The following CDHR2 variants were observed in gnomAD, a reference collection of about 807,000 sequenced individuals.
CDHR2 encodes cadherin-related family member 2.
Under a neutral mutation model 138.6 loss-of-function variants are expected in CDHR2, and 104 were observed. That is an observed-to-expected ratio of 0.75 (90% CI 0.64 to 0.88). The LOEUF (loss-of-function observed/expected upper bound fraction) is 0.88, where lower values mean the gene tolerates loss of function less well. Ranked by LOEUF, CDHR2 falls within the 40% of genes least tolerant of loss-of-function variation. The probability of loss-of-function intolerance (pLI) is 0.00; values close to 1 mark genes in which losing one functional copy is unlikely to be tolerated. For synonymous variants in CDHR2, 755 were observed against 742.8 expected (o/e 1.02, Z -0.27); for missense variants, 1,624 against 1,727.6 (o/e 0.94, Z 1.06).
chr5:176,558,187 G>A lies in CDHR2; in HGVS notation c.-15-7151G>A, dbSNP rs1757883704. 2.7e-5 allele frequency among the ~76,000 whole-genome samples: 4 copies of A among 150,918 alleles called. 1 individual carries two copies. The South Asian group carries it at 8.4e-4, about 32-fold the overall frequency. On this transcript the variant is annotated intron_variant, in intron 1 of 31. Coordinates refer to ENST00000261944, the MANE Select transcript of CDHR2 (RefSeq NM_017675.6). ...GCTTTCCTTTCCTGCATGGTCACTG[G>A]TTTTGCTTGCTTAGTTTTCTTTTCT...
chr5:176,577,263 T>C (rs1758405084), intron 12 of CDHR2, 136 bp from the exon 13 acceptor site: 1 of 948,186 alleles, frequency 1.1e-6, no homozygotes, highest in African/African-American at 1.7e-5. Context: ...GCACCCTCTC[T>C]CGCAGTCTTT....
In CDHR2 at chr5:176,595,533, A is replaced by G. The variant is rs547866475; in HGVS notation, c.3794A>G (p.Glu1265Gly). The G allele has an allele frequency of 1.3e-5, 20 of 1,594,502 alleles. No homozygotes were observed. The South Asian group carries it at 1.8e-4, about 14-fold the overall frequency. ...DVDKNSQEIK[E>G]HRPPHTPPEP... is the part of the protein sequence containing the mutation. The stretch of plus-strand genomic sequence containing the variant: ...CACCTCCTCTCCCTCTCCCTGCAGG[A>G]GCACAGGCCACCACACACACCACCA... The change falls in exon 32 of 32, where the codon GAG becomes GGG. Residue 1265 changes from glutamate to glycine, a missense_variant and splice_region_variant. By Grantham distance (98) the Glu-to-Gly change is moderately conservative. This residue lies in a region of CDHR2 where 556 missense variants were observed against 565.7 expected (regional missense o/e 0.98). Transcript: ENST00000261944.
At chr5:176,574,430 C>A (rs1244145340) in intron 7 of CDHR2, among the ~76,000 whole-genome samples, 1 of 152,186 alleles carries the variant, frequency 6.6e-6, no homozygotes, top group Non-Finnish European at 1.5e-5. Context: ...ATTCCACAGA[C>A]AATAAGGGGT....
chr5:176,581,537 C>T lies in CDHR2; in HGVS notation c.2013C>T (p.Gly671=), dbSNP rs187812988. The change falls in exon 17 of 32, where the codon GGC becomes GGT. Residue 671 remains glycine, a synonymous_variant. Transcript: ENST00000261944. The part of the protein sequence containing the change: ...IVLTVLVSDC[G]EPVLGTKVNV... ...TGACAGTGCTTGTGTCTGACTGCGGCGAGCCTGTCCTCGGCACCAAAGTCA... is the reference window on the plus strand; with the variant it reads ...TGACAGTGCTTGTGTCTGACTGCGGTGAGCCTGTCCTCGGCACCAAAGTCA... The T allele has an allele frequency of 6.2e-5, 100 of 1,614,080 alleles. No homozygotes were observed. The East Asian group carries it at 1.0e-3, about 16-fold the overall frequency.
At chr5:176,548,015 C>T (rs560303753), upstream of CDHR2, among the ~76,000 whole-genome samples, 4 of 152,134 alleles carry the variant, frequency 2.6e-5, no homozygotes, top group Non-Finnish European at 4.4e-5. Flanking sequence ...CAAACCTAGG[C>T]GGTACCACCT....
chr5:176,576,144 C>T lies in CDHR2; in HGVS notation c.1153C>T (p.Pro385Ser). Residue 385 changes from proline to serine, a missense_variant, in exon 12 of 32, where the codon CCC becomes TCC. Physicochemically the swap from Pro to Ser is moderately conservative, Grantham distance 74. Coordinates refer to ENST00000261944, the MANE Select transcript of CDHR2 (RefSeq NM_017675.6). The surrounding 1 kb of genome is among the most constrained non-coding windows in gnomAD (Gnocchi z 4.5). ...YVDEHASPRI[P>S]IDDLTMVVYD... ...GGACGAGCATGCCTCCCCCCGCATC[C>T]CCATCGATGACCTCACCATGGTGGT... is the stretch of plus-strand genomic sequence containing the variant. 6.2e-7 allele frequency: 1 copy of T among 1,613,940 alleles called. No individual in the cohort carries two copies. Among genetic ancestry groups the T allele is most frequent in the Non-Finnish European group, 8.5e-7 (1 of 1,180,040 alleles).
At position 176,575,847 on chromosome 5, in the gene CDHR2, A is replaced by G. The variant is rs1383579176; in HGVS notation, c.960+8A>G. The G allele has an allele frequency of 6.5e-7, 1 of 1,546,008 alleles. No homozygotes were observed. Among genetic ancestry groups the G allele is most frequent in the Admixed American group, 2.0e-5 (1 of 50,640 alleles). The stretch of plus-strand genomic sequence containing the variant: ...GTGCAGCTGCAGGTCACGGTGAGCA[A>G]AGGCCCCACCACCCCTGTCAGAACC... On this transcript the variant is annotated splice_region_variant and intron_variant, in intron 11 of 31. Transcript: ENST00000261944.
Position 176,592,743 on chromosome 5 carries a change from A to T in CDHR2, c.3755A>T (p.Asn1252Ile). The T allele has an allele frequency of 1.2e-6, 2 of 1,613,824 alleles. No homozygotes were observed. The highest frequency in any genetic ancestry group is 1.7e-6 in the Non-Finnish European group (2 of 1,179,840). The change falls in exon 31 of 32, where the codon AAC (asparagine) becomes ATC (isoleucine). Residue 1252 changes from asparagine to isoleucine, a missense_variant. Physicochemically the swap from Asn to Ile is moderately radical, Grantham distance 149. Coordinates refer to ENST00000261944, the MANE Select transcript of CDHR2 (RefSeq NM_017675.6). Reference protein sequence around the residue: ...DSVSVNSLDDNSVDVDKNSQE... With the variant: ...DSVSVNSLDDISVDVDKNSQE... The stretch of plus-strand genomic sequence containing the variant: ...TACAGCGTCAACTCCCTGGACGACA[A>T]CTCTGTGGATGTGGACAAGAACAGT...
intron 17 of CDHR2, among the ~76,000 whole-genome samples, chr5:176,582,885 C>T (rs1039831331): frequency 3.3e-5 from 5 of 152,220 alleles, no homozygotes; most frequent in Admixed American, 6.5e-5. Context: ...CACCAGCCCA[C>T]AAGGCACCTT....
intron 5 of CDHR2, among the ~76,000 whole-genome samples, chr5:176,570,759 C>G (rs1758206425): frequency 6.6e-6 from 1 of 152,132 alleles, no homozygotes; most frequent in Admixed American, 6.6e-5. Flanking sequence ...CAAGAGCAGC[C>G]TGACCAACAT....
At chr5:176,571,545 T>A (rs1758231319) in intron 6 of CDHR2, among the ~76,000 whole-genome samples, 1 of 152,104 alleles carries the variant, frequency 6.6e-6, no homozygotes, top group African/African-American at 2.4e-5. Context: ...GGGAGTTGAT[T>A]TTTTTTGTGT....
At chr5:176,580,690 C>G (rs1045460329) in intron 16 of CDHR2, among the ~76,000 whole-genome samples, 6 of 151,718 alleles carry the variant, frequency 4.0e-5, no homozygotes, top group African/African-American at 1.5e-4. Context: ...GCCTGGCCAA[C>G]ATGGTGAAAC....
chr5:176,581,689 A>T, intron 17 of CDHR2, 107 bp downstream of exon 17: 1 of 1,437,116 alleles, frequency 7.0e-7, no homozygotes, highest in Non-Finnish European at 9.5e-7. Flanking sequence ...TGCCTGGGTT[A>T]CAATCCCGCT....
intron 1 of CDHR2, among the ~76,000 whole-genome samples, chr5:176,550,667 G>A (rs1390894094): frequency 2.6e-5 from 4 of 152,232 alleles, no homozygotes; most frequent in Admixed American, 6.5e-5. Context: ...AGTGCATGGC[G>A]AGCTGGCCGT....
intron 1 of CDHR2, among the ~76,000 whole-genome samples, chr5:176,554,697 G>A (rs1561865538): frequency 6.6e-6 from 1 of 152,160 alleles, no homozygotes; most frequent in South Asian, 2.1e-4. Context: ...GTCTCGCTCT[G>A]TCTCCCAGGC....
At chr5:176,595,149 T>C (rs1758993103) in intron 31 of CDHR2, among the ~76,000 whole-genome samples, 1 of 152,000 alleles carries the variant, frequency 6.6e-6, no homozygotes, top group Admixed American at 6.5e-5. Flanking sequence ...GTAGTTGAGG[T>C]AATGGATGGA....
chr5:176,577,807 T>C lies in CDHR2; in HGVS notation c.1512+9T>C, dbSNP rs373309186. ...TCACCGACAGCATCCACGTGAGTGATGTGGACACAGTGGGGCTGTGGGGTC... is the reference window on the plus strand; with the variant it reads ...TCACCGACAGCATCCACGTGAGTGACGTGGACACAGTGGGGCTGTGGGGTC... On this transcript the variant is annotated intron_variant, in intron 14 of 31. Transcript: ENST00000261944. 1.9e-6 allele frequency: 3 copies of C among 1,613,564 alleles called. No individual in the cohort carries two copies. The highest frequency in any genetic ancestry group is 1.1e-5 in the South Asian group (1 of 91,026).
intron 2 of CDHR2, 89 bp from the exon 3 acceptor site, chr5:176,565,583 A>G: frequency 2.3e-6 from 3 of 1,331,364 alleles, no homozygotes; most frequent in South Asian, 1.2e-5. Flanking sequence ...CTGGGTGGCC[A>G]TAAGGACTAG....
intron 3 of CDHR2, among the ~76,000 whole-genome samples, chr5:176,566,258 T>A (rs892952760): frequency 6.6e-6 from 1 of 152,160 alleles, no homozygotes; most frequent in African/African-American, 2.4e-5. Context: ...TGTCTTTACA[T>A]GAGATGGAAA....
Sources: allele counts gnomAD v4.1 joint callset (sites outside exome capture counted in the v4.1 genomes callset), GRCh38; gene constraint gnomAD v4.1.1; regional missense constraint gnomAD v4.1.1; non-coding constraint Gnocchi (gnomAD v3.1); transcripts MANE v1.5; gene names NCBI Gene and HGNC (gene_info 2026-07-23, HGNC 2026-07-21).